The following ZNF845 variants were observed in gnomAD, a reference collection of about 807,000 sequenced individuals.
ZNF845 encodes zinc finger protein 845.
A neutral mutation model predicts 76.1 loss-of-function variants in ZNF845; 59 were observed. That is an observed-to-expected ratio of 0.78 (90% confidence interval 0.63 to 0.96). The LOEUF (loss-of-function observed/expected upper bound fraction) is 0.96, where lower values mean the gene tolerates loss of function less well. ZNF845 is among the 40% of genes least tolerant of loss of function. The pLI is 0.00. For missense variants in ZNF845, 1,045 were observed against 1,172.8 expected, an observed-to-expected ratio of 0.89 and a Z score of 1.59; for synonymous variants, 361 against 386.9, an observed-to-expected ratio of 0.93 and a Z score of 0.78.
chr19:53,345,487 A>C lies in ZNF845; in HGVS notation c.16-19A>C. ...AACTCCTCCCATAACCATTTCCTTAAAATGTGTTTTCATTTCAGGGTCTAT... is the reference window on the plus strand; with the variant it reads ...AACTCCTCCCATAACCATTTCCTTACAATGTGTTTTCATTTCAGGGTCTAT... On this transcript the variant is annotated intron_variant, in intron 2 of 3. Transcript: ENST00000458035. 1 of 1,613,576 alleles carries C rather than the reference A, an allele frequency of 6.2e-7. No homozygotes were observed. The highest frequency in any genetic ancestry group is 8.5e-7 in the Non-Finnish European group (1 of 1,179,696).
At chr19:53,349,405 C>A (rs748101906) in intron 3 of ZNF845, among the ~76,000 whole-genome samples, 9 of 151,656 alleles carry the variant, frequency 5.9e-5, no homozygotes, top group Admixed American at 2.0e-4. Flanking sequence ...GCTGAGACTA[C>A]TGCCACCCGC....
intron 3 of ZNF845, chr19:53,346,316 A>G: frequency 2.6e-6 from 1 of 382,876 alleles, no homozygotes; most frequent in Non-Finnish European, 5.3e-6. Flanking sequence ...TTTATGATGG[A>G]GTCTCACTCT....
At position 53,354,529 on chromosome 19, in the gene ZNF845, TA is replaced by T. The variant is rs1194161603; in HGVS notation, c.*946del. 6.3e-6 allele frequency: 1 copy of T among 159,700 alleles called. No individual in the cohort carries two copies. The highest frequency in any genetic ancestry group is 2.4e-5 in the African/African-American group (1 of 41,506). 9.9% of individuals were successfully genotyped at this position (159,700 alleles called of 1,614,324 possible). A position where few individuals can be genotyped will look rare whatever the true frequency, so the allele number is the denominator to read the frequency against. ...CCCACCCTGTATTTTGTTTCTTTAA[TA>T]AAAACTGTTACGGGTTTTTATGGGT... On this transcript the variant is annotated 3_prime_UTR_variant, in exon 4 of 4. Coordinates refer to ENST00000458035, the MANE Select transcript of ZNF845 (RefSeq NM_138374.3).
At position 53,350,983 on chromosome 19, in the gene ZNF845, A is replaced by G; in HGVS notation, c.308A>G (p.Glu103Gly). 1 of 1,614,202 alleles carries G rather than the reference A, an allele frequency of 6.2e-7. No homozygotes were observed. Among genetic ancestry groups the G allele is most frequent in the Non-Finnish European group, 8.5e-7 (1 of 1,180,028 alleles). The change falls in exon 4 of 4, where the codon GAA becomes GGA. Residue 103 changes from glutamate to glycine, a missense_variant. Glu to Gly is a moderately conservative substitution (Grantham distance 98). Transcript: ENST00000458035. ...CATGATTTTGAGTTTCAGTGGAAAG[A>G]AGATGAAAGAAATAGCCATGAAGCA... ...DIHDFEFQWKEDERNSHEAPM... is the reference protein window; with the variant it reads ...DIHDFEFQWKGDERNSHEAPM...
Position 53,347,961 on chromosome 19 carries a change from G to A in ZNF845, c.142+2329G>A, listed in dbSNP as rs770455685. Among the ~76,000 whole-genome samples the A allele has an allele frequency of 6.6e-5, 10 of 152,296 alleles. No homozygotes were observed. In the East Asian group the frequency reaches 1.7e-3, roughly 26 times the overall value. ...TCCCAGTTCTTTGGGATGCTGAGACGGGCGGATCACCTGAGTTAAGGAGTT... is the reference window on the plus strand; with the variant it reads ...TCCCAGTTCTTTGGGATGCTGAGACAGGCGGATCACCTGAGTTAAGGAGTT... On this transcript the variant is annotated intron_variant, in intron 3 of 3. Coordinates refer to ENST00000458035, the MANE Select transcript of ZNF845 (RefSeq NM_138374.3).
chr19:53,342,579 C>T (rs1001511756), intron 2 of ZNF845, among the ~76,000 whole-genome samples: 13 of 152,090 alleles, frequency 8.5e-5, no homozygotes, highest in East Asian at 1.9e-4. Flanking sequence ...ATTGTGGAGC[C>T]GCTACTGTCA....
At position 53,355,797 on chromosome 19, in the gene ZNF845, A is replaced by G. The variant is rs2085381924; in HGVS notation, c.*2209A>G. ...TGTGGTCATTTCATGGATGATTTTT[A>G]TATTTTTGAGGTAAAACTCTACCTA... On this transcript the variant is annotated 3_prime_UTR_variant, in exon 4 of 4. Coordinates refer to ENST00000458035, the MANE Select transcript of ZNF845 (RefSeq NM_138374.3). 6.6e-6 allele frequency: 1 copy of G among 152,074 alleles called. No homozygotes were observed. Among genetic ancestry groups the G allele is most frequent in the Non-Finnish European group, 1.5e-5 (1 of 68,008 alleles). The allele number at this position is 152,074 out of a possible 1,614,324, so 9.4% of individuals were successfully genotyped here.
chr19:53,346,827 G>A (rs996122914), intron 3 of ZNF845, among the ~76,000 whole-genome samples: 8 of 152,224 alleles, frequency 5.3e-5, no homozygotes, highest in African/African-American at 1.9e-4. Flanking sequence ...TAATAGGAAA[G>A]TTGTGTTATG....
intron 1 of ZNF845, among the ~76,000 whole-genome samples, chr19:53,334,300 C>T (rs1237210554): frequency 1.3e-5 from 2 of 152,122 alleles, no homozygotes; most frequent in Non-Finnish European, 2.9e-5. Context: ...CTGGAAAATG[C>T]GCTCCTCCGG....
Position 53,341,224 on chromosome 19 carries a change from T to C in ZNF845, c.-73-11T>C, listed in dbSNP as rs2085254286. ...ATTCTGAGCAATAAACAACATATTT[T>C]TAACATTCAGGATTGACTTCTAAAG... On this transcript the variant is annotated splice_polypyrimidine_tract_variant and intron_variant, in intron 1 of 3. Transcript: ENST00000458035. 1.3e-6 allele frequency: 2 copies of C among 1,571,358 alleles called. No homozygotes were observed. Among genetic ancestry groups the C allele is most frequent in the African/African-American group, 1.3e-5 (1 of 74,094 alleles).
At position 53,352,691 on chromosome 19, in the gene ZNF845, T is replaced by C. The variant is rs142729081; in HGVS notation, c.2016T>C (p.Phe672=). 459 of 1,613,404 alleles carry C rather than the reference T, an allele frequency of 2.8e-4. 6 individuals are homozygous for C. The Middle Eastern group carries it at 4.0e-3, about 14-fold the overall frequency. The change falls in exon 4 of 4, where the codon TTT becomes TTC. Residue 672 remains phenylalanine (F), a synonymous_variant. Transcript: ENST00000458035. ...PYRCNECGKT[F]SRKSYLTCHR... Reference sequence around the variant, plus strand: ...GGTGTAATGAATGTGGCAAGACCTTTAGTCGGAAGTCATACCTTACATGCC... The same window carrying C: ...GGTGTAATGAATGTGGCAAGACCTTCAGTCGGAAGTCATACCTTACATGCC...
At chr19:53,340,022 A>G (rs1185953394) in intron 1 of ZNF845, among the ~76,000 whole-genome samples, 1 of 152,156 alleles carries the variant, frequency 6.6e-6, no homozygotes, top group Non-Finnish European at 1.5e-5. Flanking sequence ...AGCTGGGACT[A>G]CAGGCACACG....
chr19:53,351,255 A>G lies in ZNF845; in HGVS notation c.580A>G (p.Asn194Asp). ...AACCCACATTTCTAAGAACTATGGG[A>G]ATAATTTCCTGAATTCTTCATTACT... ...PKTHISKNYG[N>D]NFLNSSLLTQ... Residue 194 changes from asparagine to aspartate, a missense_variant, in exon 4 of 4, where the codon AAT becomes GAT. Physicochemically the swap from Asn to Asp is conservative, Grantham distance 23. Transcript: ENST00000458035. 6.2e-7 allele frequency: 1 copy of G among 1,614,252 alleles called. No homozygotes were observed. Among genetic ancestry groups the G allele is most frequent in the Non-Finnish European group, 8.5e-7 (1 of 1,180,032 alleles).
chr19:53,351,189 TC>T lies in ZNF845; in HGVS notation c.515del (p.Ser172CysfsTer26). 1 of 1,614,226 alleles carries T rather than the reference TC, an allele frequency of 6.2e-7. No homozygotes were observed. The highest frequency in any genetic ancestry group is 8.5e-7 in the Non-Finnish European group (1 of 1,180,038). On this transcript the variant is annotated frameshift_variant, in exon 4 of 4. Transcript: ENST00000458035. LOFTEE classifies it high-confidence loss of function. ...AGTTGAGAAGTCTATCAACAGTGCT[TC>T]GTTGGTTTCAACATCCCAAAGAATT... ...NQVEKSINSA[S>X]LVSTSQRISC...
At chr19:53,348,604 A>C (rs1859218095) in intron 3 of ZNF845, among the ~76,000 whole-genome samples, 1 of 152,236 alleles carries the variant, frequency 6.6e-6, no homozygotes, top group Non-Finnish European at 1.5e-5. Flanking sequence ...TTGGCCAATA[A>C]GAACATTCAG....
chr19:53,349,930 G>A (rs761046888), intron 3 of ZNF845, among the ~76,000 whole-genome samples: 1 of 152,048 alleles, frequency 6.6e-6, no homozygotes, highest in Non-Finnish European at 1.5e-5. Context: ...AGCTACTCAG[G>A]AGGCTGAGGC....
intron 3 of ZNF845, among the ~76,000 whole-genome samples, chr19:53,346,743 T>C (rs1216653518): frequency 1.3e-5 from 2 of 152,216 alleles, no homozygotes; most frequent in African/African-American, 2.4e-5. Context: ...TTGTTCTTTA[T>C]GTTAGAATTA....
chr19:53,351,503 T>C lies in ZNF845; in HGVS notation c.828T>C (p.Cys276=). The C allele has an allele frequency of 6.2e-7, 1 of 1,614,222 alleles. No homozygotes were observed. The highest frequency in any genetic ancestry group is 8.5e-7 in the Non-Finnish European group (1 of 1,180,032). ...AGAAACCTTACAAGTGTAATGATTG[T>C]GGCAAGACCTTCAGTCAGGAGTTAA... ...TGKKPYKCND[C]GKTFSQELTL... is the part of the protein sequence containing the mutation. The change falls in exon 4 of 4, where the codon TGT becomes TGC. Residue 276 remains cysteine (C), a synonymous_variant. Coordinates refer to ENST00000458035, the MANE Select transcript of ZNF845 (RefSeq NM_138374.3).
chr19:53,352,402 G>C lies in ZNF845; in HGVS notation c.1727G>C (p.Gly576Ala). Residue 576 changes from glycine to alanine, a missense_variant, in exon 4 of 4, where the codon GGG becomes GCG. Transcript: ENST00000458035. ...TACCATCAAGCAATCCATGGTATAG[G>C]GAAACTTTACAAATGTAATGATTGT... is the stretch of plus-strand genomic sequence containing the variant. ...LIYHQAIHGI[G>A]KLYKCNDCHQ... 6.2e-7 allele frequency: 1 copy of C among 1,613,712 alleles called. No individual in the cohort carries two copies. The highest frequency in any genetic ancestry group is 1.1e-5 in the South Asian group (1 of 91,056).
Sources: gnomAD v4.1 joint callset for allele counts (sites outside exome capture counted in the v4.1 genomes callset) on GRCh38, gnomAD v4.1.1 for gene constraint, MANE v1.5 for transcripts, NCBI Gene and HGNC (gene_info 2026-07-23, HGNC 2026-07-21) for gene names.